The following MYCBP2 variants were observed in gnomAD, a reference collection of about 807,000 sequenced individuals.
MYCBP2 encodes the protein MYC binding protein 2.
In MYCBP2, 120 loss-of-function variants were observed where a neutral mutation model predicts 525.3. The observed-to-expected ratio is 0.23, with a 90% CI of 0.20 to 0.27. The LOEUF is 0.27. Among genes scored for constraint, MYCBP2 ranks in the 10% least tolerant of loss-of-function variants. The pLI, the probability that MYCBP2 is intolerant of heterozygous loss-of-function variation, is 1.00. For missense variants in MYCBP2, 4,149 were observed against 5,657.1 expected (o/e 0.73, Z 8.55); for synonymous variants, 1,894 against 1,955.8 (o/e 0.97, Z 0.83).
intron 52 of MYCBP2, among the ~76,000 whole-genome samples, chr13:77,134,279 C>T (rs187752862): frequency 1.3e-5 from 2 of 152,180 alleles, no homozygotes; most frequent in Admixed American, 1.3e-4. Flanking sequence ...TCTGTAATCC[C>T]AGCACTGTGG....
intron 26 of MYCBP2, among the ~76,000 whole-genome samples, chr13:77,199,219 C>G (rs2062137783): frequency 6.6e-6 from 1 of 152,232 alleles, no homozygotes; most frequent in Non-Finnish European, 1.5e-5. Flanking sequence ...CGAGGCATTG[C>G]CTCACTCGGG....
chr13:77,301,443 A>C lies in MYCBP2; in HGVS notation c.303-4769T>G, dbSNP rs960399992. ...ATCTCAAAAAAAAAAAAAAAAAAAA[A>C]AAAAAAGAGGCTGGGTCAAAAGGGA... On this transcript the variant is annotated intron_variant, in intron 1 of 82. Transcript: ENST00000544440. Among the ~76,000 whole-genome samples, 134 of 148,360 alleles carry C rather than the reference A, an allele frequency of 9.0e-4. 1 individual carries two copies. Among genetic ancestry groups the C allele is most frequent in the Non-Finnish European group, 1.9e-3 (124 of 66,544 alleles).
intron 18 of MYCBP2, among the ~76,000 whole-genome samples, chr13:77,232,122 AACTG>A (rs1290946831): frequency 6.6e-6 from 1 of 152,180 alleles, no homozygotes; most frequent in Non-Finnish European, 1.5e-5. Context: ...TTGAGTGGCA[AACTG>A]ACAGACTGAA....
chr13:77,217,981 AGTC>A, intron 20 of MYCBP2, 24 bp from the exon 21 acceptor site: 1 of 1,482,534 alleles, frequency 6.7e-7, no homozygotes, highest in Non-Finnish European at 9.2e-7. Context: ...AAAAAAAGTA[AGTC>A]AATTTCTTAC....
chr13:77,286,416 A>G (rs2076763915), intron 3 of MYCBP2, among the ~76,000 whole-genome samples: 1 of 152,056 alleles, frequency 6.6e-6, no homozygotes, highest in Admixed American at 6.5e-5. Context: ...ATTTTCACCT[A>G]TTCTTTTGTT....
Position 77,045,320 on chromosome 13 carries a change from G to A in MYCBP2, c.*58C>T, listed in dbSNP as rs546509167. ...TCCTGAGCAGAGTTTAAACTTCACC[G>A]CATCCTCTTGGGGGATGAAGGCAAT... On this transcript the variant is annotated 3_prime_UTR_variant, in exon 83 of 83. Coordinates refer to ENST00000544440, the MANE Select transcript of MYCBP2 (RefSeq NM_015057.5). The A allele has an allele frequency of 1.0e-5, 12 of 1,180,434 alleles. No homozygotes were observed. The highest frequency in any genetic ancestry group is 9.0e-5 in the Admixed American group (5 of 55,382). 73.1% of individuals were successfully genotyped at this position (1,180,434 alleles called of 1,614,324 possible).
At chr13:77,047,555 C>T (rs1191062651) in intron 82 of MYCBP2, among the ~76,000 whole-genome samples, 3 of 152,086 alleles carry the variant, frequency 2.0e-5, no homozygotes, top group Non-Finnish European at 4.4e-5. Flanking sequence ...AGCCCCAGGT[C>T]CACAGGTCAG....
chr13:77,224,235 C>T (rs2065961068), intron 20 of MYCBP2, among the ~76,000 whole-genome samples: 1 of 152,116 alleles, frequency 6.6e-6, no homozygotes, highest in Admixed American at 6.5e-5. Flanking sequence ...ATCAGCTTTT[C>T]TCCTGAAACT....
chr13:77,048,366 T>C (rs922911947), intron 82 of MYCBP2, among the ~76,000 whole-genome samples: 6 of 152,206 alleles, frequency 3.9e-5, no homozygotes, highest in African/African-American at 1.4e-4. Context: ...CTACCCAGTT[T>C]ACAGTATTTT....
At chr13:77,146,063 T>C in intron 48 of MYCBP2, 99 bp downstream of exon 48, 1 of 720,726 alleles carries the variant, frequency 1.4e-6, no homozygotes, top group Non-Finnish European at 2.3e-6. Context: ...TGCTATAAAG[T>C]ATTTATTTAT....
rs1391518480 is a variant in MYCBP2, at chr13:77,047,282, T to C, written c.13922-1789A>G. 2.6e-5 allele frequency among the ~76,000 whole-genome samples: 4 copies of C among 152,186 alleles called. No homozygotes were observed. In the East Asian group the frequency reaches 5.8e-4, roughly 22 times the overall value. ...GAAACGATTATCCTCATTTTGTAGA[T>C]ATGAAACTGAAGTAAAATTATTTTT... On this transcript the variant is annotated intron_variant, in intron 82 of 82. Transcript: ENST00000544440.
chr13:77,266,746 G>GAAAAAAAAAAAAAAAA lies in MYCBP2; in HGVS notation c.1357+1079_1357+1094dup, dbSNP rs56408804. ...AAAGACATGGTCCAGGACTTGTAAT[G>GAAAAAAAAAAAAAAAA]AAAAAAAAAAAAAAAAAAAAAACCC... is the stretch of plus-strand genomic sequence containing the variant. On this transcript the variant is annotated intron_variant, in intron 8 of 82. Coordinates refer to ENST00000544440, the MANE Select transcript of MYCBP2 (RefSeq NM_015057.5). 6.3e-4 allele frequency among the ~76,000 whole-genome samples: 56 copies of GAAAAAAAAAAAAAAAA among 89,412 alleles called. 1 individual carries two copies. Among genetic ancestry groups the GAAAAAAAAAAAAAAAA allele is most frequent in the African/African-American group, 2.5e-3 (56 of 22,492 alleles). 58.7% of individuals were successfully genotyped at this position (89,412 alleles called of 152,430 possible).
intron 1 of MYCBP2, among the ~76,000 whole-genome samples, chr13:77,298,080 T>C (rs997657144): frequency 6.6e-6 from 1 of 152,196 alleles, no homozygotes; most frequent in African/African-American, 2.4e-5. Context: ...GTTTAAAAGA[T>C]CCTCTTCCAA....
In MYCBP2 at chr13:77,081,575, A is replaced by G; in HGVS notation, c.11270T>C (p.Ile3757Thr). Reference protein sequence around the residue: ...DIKTSSRPAMIGSLTDGSTET... With the variant: ...DIKTSSRPAMTGSLTDGSTET... ...TGTGGAGCCGTCTGTCAAACTGCCA[A>G]TCATGGCAGGTCGGCTTGAAGTTTT... The change falls in exon 65 of 83, where the codon ATT (isoleucine) becomes ACT (threonine). Residue 3757 changes from isoleucine to threonine, a missense_variant. Ile to Thr is a moderately conservative substitution (Grantham distance 89). This residue lies in a region of MYCBP2 where 509 missense variants were observed against 789.4 expected (regional missense o/e 0.64). Transcript: ENST00000544440. This position sits in a 1 kb window ranked among gnomAD's most constrained non-coding sequence, Gnocchi z 4.6. 3.7e-6 allele frequency: 6 copies of G among 1,613,886 alleles called. No homozygotes were observed. The highest frequency in any genetic ancestry group is 5.1e-6 in the Non-Finnish European group (6 of 1,179,910).
chr13:77,112,359 TTTTA>T (rs1012593544), intron 55 of MYCBP2, among the ~76,000 whole-genome samples: 3 of 146,734 alleles, frequency 2.0e-5, no homozygotes, highest in African/African-American at 7.4e-5. Context: ...ATATATAATA[TTTTA>T]TTTATATAAT....
chr13:77,191,828 G>A lies in MYCBP2; in HGVS notation c.3936-15C>T. 1 of 1,612,014 alleles carries A rather than the reference G, an allele frequency of 6.2e-7. No homozygotes were observed. Among genetic ancestry groups the A allele is most frequent in the Non-Finnish European group, 8.5e-7 (1 of 1,178,898 alleles). On this transcript the variant is annotated splice_polypyrimidine_tract_variant and intron_variant, in intron 27 of 82. Transcript: ENST00000544440. The stretch of plus-strand genomic sequence containing the variant: ...CATATTTTTCTCTGAGAAAAAATTA[G>A]TGAGTCAAAAACAATATTTTCTTAC...
chr13:77,062,931 G>A lies in MYCBP2; in HGVS notation c.12673-234C>T, dbSNP rs1046391353. 7.2e-5 allele frequency among the ~76,000 whole-genome samples: 11 copies of A among 152,278 alleles called. No homozygotes were observed. The East Asian group carries it at 2.1e-3, about 29-fold the overall frequency. On this transcript the variant is annotated intron_variant, in intron 73 of 82. Transcript: ENST00000544440. ...CTGAACAAGTGACTGTTTCTCTGAT[G>A]AACCACCCTGTCTTCTATCTGACAA...
intron 4 of MYCBP2, among the ~76,000 whole-genome samples, chr13:77,274,381 CTT>C (rs2075268796): frequency 6.6e-6 from 1 of 152,110 alleles, no homozygotes; most frequent in African/African-American, 2.4e-5. Context: ...CTGGGTATTT[CTT>C]CCATAGAACG....
chr13:77,260,723 G>C, intron 12 of MYCBP2, 131 bp from the exon 13 acceptor site: 2 of 757,014 alleles, frequency 2.6e-6, no homozygotes, highest in Non-Finnish European at 4.0e-6. Flanking sequence ...TTTCACAAAG[G>C]CCTGGGCTTC....
Sources: gnomAD v4.1 joint callset for allele counts (sites outside exome capture counted in the v4.1 genomes callset) on GRCh38, gnomAD v4.1.1 for gene constraint, gnomAD v4.1.1 regional missense constraint, Gnocchi (gnomAD v3.1) non-coding constraint, MANE v1.5 for transcripts, NCBI Gene and HGNC (gene_info 2026-07-23, HGNC 2026-07-21) for gene names.